ZMAT4: variants seen among roughly 807,000 people sequenced by gnomAD.
ZMAT4 encodes the protein zinc finger matrin-type protein 4.
ZMAT4 carries 17 observed loss-of-function variants against 28.7 expected under a neutral mutation model. The observed-to-expected ratio is 0.59, with a 90% CI of 0.41 to 0.89. ZMAT4 has a LOEUF of 0.89. Ranked by LOEUF, ZMAT4 falls within the 40% of genes least tolerant of loss-of-function variation. The pLI, the probability that ZMAT4 is intolerant of heterozygous loss-of-function variation, is 0.00. For synonymous variants in ZMAT4, 117 were observed against 109.2 expected (o/e 1.07, Z -0.44); for missense variants, 240 against 283.8 (o/e 0.85, Z 1.11).
At chr8:40,887,993 T>C (rs972119193) in intron 1 of ZMAT4, among the ~76,000 whole-genome samples, 2 of 152,168 alleles carry the variant, frequency 1.3e-5, no homozygotes, top group Middle Eastern at 3.4e-3. Flanking sequence ...GAGGCCCTCA[T>C]CCTTCAATGC....
At chr8:40,894,128 G>A (rs1288115619) in intron 1 of ZMAT4, among the ~76,000 whole-genome samples, 3 of 152,240 alleles carry the variant, frequency 2.0e-5, no homozygotes, top group Non-Finnish European at 2.9e-5. Context: ...GGCTGCAGCA[G>A]GCGCAGGCCT....
chr8:40,808,866 C>T (rs1263341365), intron 2 of ZMAT4, among the ~76,000 whole-genome samples: 1 of 136,022 alleles, frequency 7.4e-6, no homozygotes, highest in African/African-American at 2.7e-5. Flanking sequence ...AAAAAAAAAA[C>T]TATTCCCGAA....
chr8:40,855,302 CA>C (rs1817258319), intron 1 of ZMAT4, among the ~76,000 whole-genome samples: 1 of 152,132 alleles, frequency 6.6e-6, no homozygotes, highest in African/African-American at 2.4e-5. Flanking sequence ...TGGAGCCCAT[CA>C]GAGGTGGTTA....
At position 40,618,074 on chromosome 8, in the gene ZMAT4, A is replaced by T. The variant is rs143353134; in HGVS notation, c.578-36813T>A. Among the ~76,000 whole-genome samples the T allele has an allele frequency of 2.5e-3, 375 of 152,282 alleles. 2 individuals carry two copies. Among genetic ancestry groups the T allele is most frequent in the African/African-American group, 8.8e-3 (364 of 41,540 alleles). Reference sequence around the variant, plus strand: ...GCTGGATGTATGAGTTGGACTCATCATTGCTTTCTGTACATTAATCTCTAG... The same window carrying T: ...GCTGGATGTATGAGTTGGACTCATCTTTGCTTTCTGTACATTAATCTCTAG... On this transcript the variant is annotated intron_variant, in intron 5 of 6. Transcript: ENST00000297737.
chr8:40,729,209 T>C (rs1407165320), intron 3 of ZMAT4, among the ~76,000 whole-genome samples: 23 of 152,194 alleles, frequency 1.5e-4, no homozygotes, highest in Admixed American at 1.5e-3. Context: ...ACATGATGTC[T>C]TTAGTAGGGA....
At chr8:40,601,442 A>AAGGAAGGG (rs1805308983) in intron 5 of ZMAT4, among the ~76,000 whole-genome samples, 2 of 113,836 alleles carry the variant, frequency 1.8e-5, no homozygotes, top group South Asian at 3.2e-4. Flanking sequence ...GGAAGGAAGG[A>AAGGAAGGG]AGGAAGGAAG....
chr8:40,859,575 C>T (rs768921572), intron 1 of ZMAT4, among the ~76,000 whole-genome samples: 4 of 152,168 alleles, frequency 2.6e-5, no homozygotes, highest in Admixed American at 6.5e-5. Context: ...ATAAGCAAGA[C>T]AACCCCAATT....
At chr8:40,699,288 C>A (rs566097795) in intron 3 of ZMAT4, among the ~76,000 whole-genome samples, 1 of 152,088 alleles carries the variant, frequency 6.6e-6, no homozygotes, top group African/African-American at 2.4e-5. Flanking sequence ...TTACTACATG[C>A]TGGAGGATAT....
chr8:40,601,384 G>GGAA (rs1467676823), intron 5 of ZMAT4, among the ~76,000 whole-genome samples: 2 of 136,040 alleles, frequency 1.5e-5, no homozygotes, highest in African/African-American at 5.6e-5. Context: ...GCCAAAAGAA[G>GGAA]GAAGGAAGGA....
intron 5 of ZMAT4, among the ~76,000 whole-genome samples, chr8:40,647,123 A>G (rs1339266915): frequency 1.3e-5 from 2 of 152,214 alleles, no homozygotes; most frequent in Non-Finnish European, 2.9e-5. Context: ...AGCGTGAGCG[A>G]CGCAGAAGAC....
At chr8:40,699,899 C>A (rs1810059804) in intron 3 of ZMAT4, among the ~76,000 whole-genome samples, 1 of 152,222 alleles carries the variant, frequency 6.6e-6, no homozygotes, top group Non-Finnish European at 1.5e-5. Context: ...TCCAGCCATG[C>A]CTGGCCTTTC....
chr8:40,621,265 C>T (rs139258661), intron 5 of ZMAT4, among the ~76,000 whole-genome samples: 1,746 of 152,288 alleles, frequency 0.011, 12 homozygotes, highest in Middle Eastern at 0.068. Flanking sequence ...GGAAAACTCA[C>T]CAGGTGGGCA....
intron 1 of ZMAT4, among the ~76,000 whole-genome samples, chr8:40,842,866 C>A (rs1816751444): frequency 6.6e-6 from 1 of 152,200 alleles, no homozygotes; most frequent in Admixed American, 6.5e-5. Context: ...ATCTCCGCCC[C>A]CGAGGTTCAA....
At chr8:40,685,024 T>A (rs978840649) in intron 4 of ZMAT4, among the ~76,000 whole-genome samples, 2 of 152,128 alleles carry the variant, frequency 1.3e-5, no homozygotes, top group African/African-American at 4.8e-5. Context: ...ATTGGCTGCG[T>A]TTTGTATTTA....
intron 1 of ZMAT4, among the ~76,000 whole-genome samples, chr8:40,869,427 G>A (rs567875220): frequency 4.6e-4 from 70 of 152,214 alleles, no homozygotes; most frequent in South Asian, 8.3e-4. Flanking sequence ...CTTTGGTGTC[G>A]GACAGATCTA....
chr8:40,690,908 T>C (rs1585884787), intron 4 of ZMAT4: 1 of 985,102 alleles, frequency 1.0e-6, no homozygotes. Context: ...AATGAGATCA[T>C]TGCTTATCCG....
intron 2 of ZMAT4, among the ~76,000 whole-genome samples, chr8:40,795,969 T>C (rs947490330): frequency 1.3e-5 from 2 of 152,254 alleles, no homozygotes; most frequent in Admixed American, 6.5e-5. Flanking sequence ...TCTTTGTTCT[T>C]CTTTCCCACT....
intron 3 of ZMAT4, among the ~76,000 whole-genome samples, chr8:40,709,465 G>A (rs1292770282): frequency 6.6e-6 from 1 of 152,062 alleles, no homozygotes; most frequent in Non-Finnish European, 1.5e-5. Flanking sequence ...GAGCCTTTAA[G>A]AAAAAGATGG....
chr8:40,626,175 A>G (rs1366718834), intron 5 of ZMAT4, among the ~76,000 whole-genome samples: 3 of 151,190 alleles, frequency 2.0e-5, no homozygotes, highest in Non-Finnish European at 4.4e-5. Flanking sequence ...CATGAGGGAG[A>G]TGTATACAAA....
Sources: allele counts gnomAD v4.1 joint callset (sites outside exome capture counted in the v4.1 genomes callset), GRCh38; gene constraint gnomAD v4.1.1; transcripts MANE v1.5; gene names NCBI Gene and HGNC (gene_info 2026-07-23, HGNC 2026-07-21).